The following PSEN2 variants were observed in gnomAD, a reference collection of about 807,000 sequenced individuals.
PSEN2 encodes presenilin-2.
A neutral mutation model predicts 49.1 loss-of-function variants in PSEN2; 32 were observed. The observed-to-expected ratio is 0.65, with a 90% CI of 0.49 to 0.88. PSEN2 has a LOEUF of 0.88. Ranked by LOEUF, PSEN2 falls within the 40% of genes least tolerant of loss-of-function variation. The pLI is 0.00. For synonymous variants in PSEN2, 255 were observed against 244.0 expected, an observed-to-expected ratio of 1.05 and a Z score of -0.42; for missense variants, 522 against 586.9, an observed-to-expected ratio of 0.89 and a Z score of 1.14.
At chr1:226,883,676 T>G (rs1295644) in intron 4 of PSEN2, 29 bp from the exon 5 acceptor site, 50 of 1,604,866 alleles carry the variant, frequency 3.1e-5, no homozygotes, top group Non-Finnish European at 4.0e-5. Flanking sequence ...GGGGACATTC[T>G]GCGGCCCTCA....
At chr1:226,891,163 C>T (rs746776717) in intron 9 of PSEN2, 115 bp from the exon 10 acceptor site, 55 of 833,236 alleles carry the variant, frequency 6.6e-5, no homozygotes, top group Middle Eastern at 3.3e-4. Flanking sequence ...CAGATACCTG[C>T]AGGATGGAGG....
At chr1:226,883,975 T>TGGG in intron 5 of PSEN2, 56 bp downstream of exon 5, 1 of 129,696 alleles carries the variant, frequency 7.7e-6, no homozygotes, top group Admixed American at 1.0e-4. Flanking sequence ...TGCCAGGGGG[T>TGGG]GGGGGGCGCA....
Position 226,871,249 on chromosome 1 carries a change from G to C in PSEN2, c.-349-13G>C, listed in dbSNP as rs1363084133. On this transcript the variant is annotated splice_polypyrimidine_tract_variant and intron_variant, in intron 1 of 12. Coordinates refer to ENST00000366783, the MANE Select transcript of PSEN2 (RefSeq NM_000447.3). ...CGGTTTCTGTTAGCAGCGGTGTTTG[G>C]CTGTTTTATCAGGCATTTCCAGCAG... 1 of 152,286 alleles carries C rather than the reference G, an allele frequency of 6.6e-6. No homozygotes were observed. The highest frequency in any genetic ancestry group is 1.5e-5 in the Non-Finnish European group (1 of 68,084). 9.4% of individuals were successfully genotyped at this position (152,286 alleles called of 1,614,324 possible).
chr1:226,900,638 C>T (rs982546335), downstream of PSEN2, among the ~76,000 whole-genome samples: 5 of 152,066 alleles, frequency 3.3e-5, no homozygotes, highest in Admixed American at 1.3e-4. Flanking sequence ...AGGAAGGGTC[C>T]GGTCTGAGTG....
At chr1:226,878,315 G>C (rs1660762595) in intron 3 of PSEN2, among the ~76,000 whole-genome samples, 1 of 152,018 alleles carries the variant, frequency 6.6e-6, no homozygotes, top group Non-Finnish European at 1.5e-5. Context: ...CCTGACCTCA[G>C]GTGATCTGCC....
At chr1:226,887,188 T>C (rs1027090968) in intron 6 of PSEN2, among the ~76,000 whole-genome samples, 1 of 152,128 alleles carries the variant, frequency 6.6e-6, no homozygotes, top group African/African-American at 2.4e-5. Flanking sequence ...ATCTGTCTAG[T>C]AGGGCTTCCT....
chr1:226,883,899 C>T lies in PSEN2; in HGVS notation c.336C>T (p.Tyr112=), dbSNP rs200610057. The T allele has an allele frequency of 7.6e-4, 1,226 of 1,607,958 alleles. No individual in the cohort carries two copies. The highest frequency in any genetic ancestry group is 9.9e-4 in the Non-Finnish European group (1,164 of 1,179,402). The change falls in exon 5 of 13, where the codon TAC becomes TAT. Residue 112 remains tyrosine (Y), a synonymous_variant. Coordinates refer to ENST00000366783, the MANE Select transcript of PSEN2 (RefSeq NM_000447.3). The part of the protein sequence containing the change: ...VVATIKSVRF[Y]TEKNGQLIYT... Reference sequence around the variant, plus strand: ...CCACCATCAAGTCTGTGCGCTTCTACACAGAGAAGAATGGACAGCTGTGAG... The same window carrying T: ...CCACCATCAAGTCTGTGCGCTTCTATACAGAGAAGAATGGACAGCTGTGAG...
At chr1:226,901,404 C>T (rs1445753000), downstream of PSEN2, among the ~76,000 whole-genome samples, 1 of 149,314 alleles carries the variant, frequency 6.7e-6, no homozygotes, top group Non-Finnish European at 1.5e-5. Context: ...CCATTGCACT[C>T]CAGCCTGTGT....
In PSEN2 at chr1:226,895,705, A is replaced by G; in HGVS notation, c.*126A>G. 8.2e-7 allele frequency: 1 copy of G among 1,223,788 alleles called. No homozygotes were observed. Among genetic ancestry groups the G allele is most frequent in the Non-Finnish European group, 1.1e-6 (1 of 877,784 alleles). 75.8% of individuals were successfully genotyped at this position (1,223,788 alleles called of 1,614,324 possible). A position where few individuals can be genotyped will look rare whatever the true frequency, so the allele number is the denominator to read the frequency against. Reference sequence around the variant, plus strand: ...TCCTTAAAAAATAAAGTACGTGTTTACTTGGTGAGGAGGAGGCAGAACCAG... The same window carrying G: ...TCCTTAAAAAATAAAGTACGTGTTTGCTTGGTGAGGAGGAGGCAGAACCAG... On this transcript the variant is annotated 3_prime_UTR_variant, in exon 13 of 13. Transcript: ENST00000366783.
chr1:226,880,200 C>T (rs574690711), intron 3 of PSEN2, among the ~76,000 whole-genome samples: 2 of 152,204 alleles, frequency 1.3e-5, no homozygotes, highest in African/African-American at 2.4e-5. Flanking sequence ...CAACGTGAGA[C>T]CCTCATTTCT....
chr1:226,890,485 T>C (rs1244469032), intron 9 of PSEN2: 1 of 337,040 alleles, frequency 3.0e-6, no homozygotes, highest in Non-Finnish European at 5.8e-6. Flanking sequence ...GGGCAGGGGG[T>C]CGGGGAGCAA....
intron 3 of PSEN2, among the ~76,000 whole-genome samples, chr1:226,876,722 C>G (rs1014776551): frequency 2.0e-5 from 3 of 152,128 alleles, no homozygotes; most frequent in Admixed American, 2.0e-4. Context: ...TGTCATTGTT[C>G]AGGTTATTAA....
At chr1:226,895,016 G>A (rs937910683) in intron 12 of PSEN2, among the ~76,000 whole-genome samples, 9 of 152,182 alleles carry the variant, frequency 5.9e-5, no homozygotes, top group Non-Finnish European at 1.0e-4. Flanking sequence ...GTTGCCTGGC[G>A]GCTCTGATTC....
At chr1:226,901,479 T>C (rs1011544826), downstream of PSEN2, among the ~76,000 whole-genome samples, 2 of 151,104 alleles carry the variant, frequency 1.3e-5, no homozygotes, top group African/African-American at 4.9e-5. Context: ...CCCAGCACCT[T>C]GGGAGGCTGA....
rs900795136 is a variant in PSEN2, at chr1:226,895,932, T to G, written c.*353T>G. ...GCCCCTGGCACCTGGGTGCTCTGGC[T>G]GGAGAGGAAAAGCCAGTTCCCTACG... On this transcript the variant is annotated 3_prime_UTR_variant, in exon 13 of 13. Coordinates refer to ENST00000366783, the MANE Select transcript of PSEN2 (RefSeq NM_000447.3). The G allele has an allele frequency of 7.6e-6, 3 of 394,644 alleles. No individual in the cohort carries two copies. Among genetic ancestry groups the G allele is most frequent in the African/African-American group, 4.1e-5 (2 of 48,858 alleles). The allele number at this position is 394,644 out of a possible 1,614,324, so 24.4% of individuals were successfully genotyped here. A position where few individuals can be genotyped will look rare whatever the true frequency, so the allele number is the denominator to read the frequency against.
intron 3 of PSEN2, chr1:226,880,749 C>T: frequency 6.2e-7 from 1 of 1,612,624 alleles, no homozygotes. Context: ...CCACTTGGTA[C>T]TACTGTGTGA....
chr1:226,881,140 C>G (rs753408276), intron 3 of PSEN2, among the ~76,000 whole-genome samples: 1 of 152,224 alleles, frequency 6.6e-6, no homozygotes, highest in Non-Finnish European at 1.5e-5. Flanking sequence ...CTCAGCTCTC[C>G]TCACCTGCCA....
chr1:226,886,084 G>A (rs951290314), intron 6 of PSEN2, among the ~76,000 whole-genome samples: 7 of 147,510 alleles, frequency 4.7e-5, no homozygotes, highest in Admixed American at 1.4e-4. Context: ...GCCCAGGCTG[G>A]TCTCAAACTC....
At chr1:226,896,123 T>C (rs1662135780), downstream of PSEN2, 1 of 166,958 alleles carries the variant, frequency 6.0e-6, no homozygotes, top group Admixed American at 5.5e-5. Flanking sequence ...CCGTTGTAAA[T>C]GTTGACCCCT....
Sources: allele counts gnomAD v4.1 joint callset (sites outside exome capture counted in the v4.1 genomes callset), GRCh38; gene constraint gnomAD v4.1.1; transcripts MANE v1.5; gene names NCBI Gene and HGNC (gene_info 2026-07-23, HGNC 2026-07-21).